Variants in TMEM132C observed in about 807,000 individuals in gnomAD.
TMEM132C encodes the protein protein phosphatase 1, regulatory subunit 152.
Under a neutral mutation model 61.4 loss-of-function variants are expected in TMEM132C, and 29 were observed. The ratio of observed to expected loss-of-function variants is 0.47; its 90% CI spans 0.35 to 0.64. The LOEUF is 0.64. Ranked by LOEUF, TMEM132C falls within the 30% of genes least tolerant of loss-of-function variation. TMEM132C has a pLI of 0.00. For missense variants in TMEM132C, 1,408 were observed against 1,476.9 expected (o/e 0.95, Z 0.76); for synonymous variants, 656 against 633.1 (o/e 1.04, Z -0.54).
intron 4 of TMEM132C, among the ~76,000 whole-genome samples, chr12:128,632,445 A>T (rs960321198): frequency 4.6e-5 from 7 of 152,236 alleles, no homozygotes; most frequent in Non-Finnish European, 1.0e-4. Context: ...GCTGTTATTT[A>T]TGATCCATAC....
At chr12:128,427,754 A>C (rs757400682) in intron 2 of TMEM132C, among the ~76,000 whole-genome samples, 1 of 152,190 alleles carries the variant, frequency 6.6e-6, no homozygotes, top group Non-Finnish European at 1.5e-5. Flanking sequence ...TCTCACTCAG[A>C]TGAAAGCACT....
Position 128,501,914 on chromosome 12 carries a change from T to C in TMEM132C, c.975-42043T>C, listed in dbSNP as rs145688293. Among the ~76,000 whole-genome samples, 43 of 152,290 alleles carry C rather than the reference T, an allele frequency of 2.8e-4. No individual in the cohort carries two copies. The East Asian group carries it at 7.5e-3, about 27-fold the overall frequency. On this transcript the variant is annotated intron_variant, in intron 2 of 8. Transcript: ENST00000435159. The stretch of plus-strand genomic sequence containing the variant: ...TAACACTTTGACATCCTGAGAGCCA[T>C]CCTTGGAAAGCCTGAGTCAGTAGTT...
At chr12:128,700,827 G>A (rs75701640) in intron 8 of TMEM132C, among the ~76,000 whole-genome samples, 119 of 152,354 alleles carry the variant, frequency 7.8e-4, no homozygotes, top group African/African-American at 2.8e-3. Flanking sequence ...CAGAGGAGAC[G>A]AGGGTGAGCA....
rs915111188 is a variant in TMEM132C at position 128,665,313 on chromosome 12, A to G, written c.1306-4104A>G. Among the ~76,000 whole-genome samples, 10 of 135,586 alleles carry G rather than the reference A, an allele frequency of 7.4e-5. 1 individual carries two copies. The highest frequency in any genetic ancestry group is 6.2e-4 in the Admixed American group (9 of 14,576). 88.9% of individuals were successfully genotyped at this position (135,586 alleles called of 152,430 possible). ...GGCACTCACACATACACAAACAGGC[A>G]CACACACACAAATAGGCACATGTAC... On this transcript the variant is annotated intron_variant, in intron 4 of 8. Coordinates refer to ENST00000435159, the MANE Select transcript of TMEM132C (RefSeq NM_001136103.3).
At chr12:128,275,988 A>C (rs1439009842) in intron 1 of TMEM132C, among the ~76,000 whole-genome samples, 1 of 152,158 alleles carries the variant, frequency 6.6e-6, no homozygotes, top group Non-Finnish European at 1.5e-5. Flanking sequence ...CTCCGTCTTC[A>C]CATGGCCTCC....
chr12:128,583,970 G>A (rs1349762208), intron 3 of TMEM132C, among the ~76,000 whole-genome samples: 1 of 152,240 alleles, frequency 6.6e-6, no homozygotes, highest in Non-Finnish European at 1.5e-5. Context: ...ACCTAACCGA[G>A]CATTTCTGCT....
At chr12:128,600,861 C>T (rs1039353145) in intron 3 of TMEM132C, among the ~76,000 whole-genome samples, 1 of 152,154 alleles carries the variant, frequency 6.6e-6, no homozygotes, top group Non-Finnish European at 1.5e-5. Flanking sequence ...GTAGAGAAAG[C>T]CTTCTGTTTT....
intron 1 of TMEM132C, among the ~76,000 whole-genome samples, chr12:128,303,421 C>T (rs1273879243): frequency 6.6e-6 from 1 of 152,098 alleles, no homozygotes; most frequent in Non-Finnish European, 1.5e-5. Context: ...AGCCTGATTC[C>T]AAAGTTTTCT....
chr12:128,295,558 C>T (rs1366971597), intron 1 of TMEM132C, among the ~76,000 whole-genome samples: 2 of 124,442 alleles, frequency 1.6e-5, no homozygotes, highest in Admixed American at 1.6e-4. Flanking sequence ...CTTCCACCCC[C>T]TCCCCTGGGT....
At chr12:128,272,797 TC>T (rs1302679737) in intron 1 of TMEM132C, among the ~76,000 whole-genome samples, 9 of 152,192 alleles carry the variant, frequency 5.9e-5, no homozygotes, top group Admixed American at 3.3e-4. Flanking sequence ...TTAATTGCTG[TC>T]CTTATATTGT....
chr12:128,685,992 G>A (rs570937457), intron 5 of TMEM132C, among the ~76,000 whole-genome samples: 1 of 152,202 alleles, frequency 6.6e-6, no homozygotes, highest in African/African-American at 2.4e-5. Context: ...AGCAATCACT[G>A]ATAAAAGTCC....
chr12:128,321,367 A>G (rs891756380), intron 1 of TMEM132C, among the ~76,000 whole-genome samples: 3 of 152,176 alleles, frequency 2.0e-5, no homozygotes, highest in Non-Finnish European at 2.9e-5. Context: ...CTGAGTGACA[A>G]GAAGCCAACG....
At chr12:128,554,505 A>C (rs1418034991) in intron 3 of TMEM132C, among the ~76,000 whole-genome samples, 1 of 152,214 alleles carries the variant, frequency 6.6e-6, no homozygotes, top group Non-Finnish European at 1.5e-5. Context: ...AATCAAACAA[A>C]ACGTATATTG....
At chr12:128,599,788 T>C (rs145967911) in intron 3 of TMEM132C, among the ~76,000 whole-genome samples, 2 of 152,300 alleles carry the variant, frequency 1.3e-5, no homozygotes, top group African/African-American at 4.8e-5. Context: ...AGAATGAGTA[T>C]AATACAGACC....
chr12:128,475,427 A>G (rs1264643303), intron 2 of TMEM132C, among the ~76,000 whole-genome samples: 1 of 152,122 alleles, frequency 6.6e-6, no homozygotes, highest in Non-Finnish European at 1.5e-5. Context: ...AGGGACCGCT[A>G]ACTGGCATGC....
intron 2 of TMEM132C, among the ~76,000 whole-genome samples, chr12:128,471,382 C>G (rs533144943): frequency 1.3e-5 from 2 of 151,854 alleles, no homozygotes; most frequent in East Asian, 3.9e-4. Flanking sequence ...CACAGATGGC[C>G]CCTAGTTGCT....
At chr12:128,650,678 G>C (rs1316938568) in intron 4 of TMEM132C, among the ~76,000 whole-genome samples, 1 of 152,056 alleles carries the variant, frequency 6.6e-6, no homozygotes, top group East Asian at 1.9e-4. Context: ...GCAGTGAGCA[G>C]TGAACTTTTT....
chr12:128,395,779 G>A lies in TMEM132C; in HGVS notation c.86-18953G>A, dbSNP rs150416127. 6.2e-4 allele frequency among the ~76,000 whole-genome samples: 95 copies of A among 152,200 alleles called. No individual in the cohort carries two copies. In the East Asian group the frequency reaches 0.014, roughly 23 times the overall value. The stretch of plus-strand genomic sequence containing the variant: ...CCGTCATAAAGTAGAAAAATCCTAC[G>A]TTGCAGTATCCTAAGTTGGGGACCA... On this transcript the variant is annotated intron_variant, in intron 1 of 8. Transcript: ENST00000435159.
At chr12:128,356,013 T>C (rs1285777522) in intron 1 of TMEM132C, among the ~76,000 whole-genome samples, 1 of 152,174 alleles carries the variant, frequency 6.6e-6, no homozygotes, top group Non-Finnish European at 1.5e-5. Flanking sequence ...TTGTCATTGT[T>C]GATCTCTGCT....
Sources: gnomAD v4.1 joint callset for allele counts (sites outside exome capture counted in the v4.1 genomes callset) on GRCh38, gnomAD v4.1.1 for gene constraint, MANE v1.5 for transcripts, NCBI Gene and HGNC (gene_info 2026-07-23, HGNC 2026-07-21) for gene names.